The following CNTNAP5 variants were observed in gnomAD, a reference collection of about 807,000 sequenced individuals.
CNTNAP5 encodes contactin associated protein family member 5.
A neutral mutation model predicts 150.2 loss-of-function variants in CNTNAP5; 72 were observed. The observed-to-expected ratio is 0.48, with a 90% confidence interval of 0.40 to 0.58. CNTNAP5 has a LOEUF of 0.58. Among genes scored for constraint, CNTNAP5 ranks in the 20% least tolerant of loss-of-function variants. CNTNAP5 has a pLI of 0.00. For missense variants in CNTNAP5, 1,636 were observed against 1,626.2 expected, an observed-to-expected ratio of 1.01 and a Z score of -0.10; for synonymous variants, 672 against 619.8, an observed-to-expected ratio of 1.08 and a Z score of -1.25.
chr2:124,752,571 G>A (rs1018912962), intron 14 of CNTNAP5, among the ~76,000 whole-genome samples: 6 of 152,086 alleles, frequency 3.9e-5, no homozygotes, highest in Admixed American at 1.3e-4. Context: ...GTCGGAATTA[G>A]CTGATTTCCT....
At chr2:124,041,730 A>T (rs1378092327) in intron 1 of CNTNAP5, among the ~76,000 whole-genome samples, 7 of 152,126 alleles carry the variant, frequency 4.6e-5, no homozygotes, top group Non-Finnish European at 5.9e-5. Flanking sequence ...TACAACACAC[A>T]TTGTATTATA....
At chr2:124,329,127 A>T (rs989645641) in intron 3 of CNTNAP5, among the ~76,000 whole-genome samples, 2 of 152,222 alleles carry the variant, frequency 1.3e-5, no homozygotes, top group African/African-American at 4.8e-5. Flanking sequence ...GAATAGAACC[A>T]AAGACAAGAC....
intron 21 of CNTNAP5, among the ~76,000 whole-genome samples, chr2:124,878,404 G>A (rs1424215013): frequency 6.6e-5 from 10 of 152,048 alleles, no homozygotes; most frequent in Admixed American, 5.2e-4. Context: ...CAAATGATGT[G>A]CCTAGGATGA....
intron 3 of CNTNAP5, among the ~76,000 whole-genome samples, chr2:124,355,754 G>A (rs1689982320): frequency 6.6e-6 from 1 of 152,062 alleles, no homozygotes; most frequent in Non-Finnish European, 1.5e-5. Context: ...TCTGAGTTAA[G>A]GGATCTAAAC....
chr2:124,530,358 C>T (rs187176235), intron 10 of CNTNAP5, among the ~76,000 whole-genome samples: 2 of 152,172 alleles, frequency 1.3e-5, no homozygotes, highest in Non-Finnish European at 2.9e-5. Context: ...AGTAGCATTC[C>T]TACCTGAGGC....
At chr2:124,548,199 C>T (rs886737792) in intron 10 of CNTNAP5, among the ~76,000 whole-genome samples, 3 of 152,166 alleles carry the variant, frequency 2.0e-5, no homozygotes, top group Non-Finnish European at 4.4e-5. Flanking sequence ...AGGGTCGTGA[C>T]ATTTTAGCTC....
At chr2:124,610,400 G>A (rs1420808660) in intron 12 of CNTNAP5, among the ~76,000 whole-genome samples, 1 of 152,178 alleles carries the variant, frequency 6.6e-6, no homozygotes, top group Non-Finnish European at 1.5e-5. Context: ...TACCCCCAGA[G>A]CTGTGAGAAT....
At chr2:124,418,948 C>T (rs1463425453) in intron 4 of CNTNAP5, among the ~76,000 whole-genome samples, 3 of 150,442 alleles carry the variant, frequency 2.0e-5, no homozygotes, top group Non-Finnish European at 1.5e-5. Context: ...TCCTGGCTAA[C>T]AAGGTGAAAC....
At chr2:124,367,434 C>A (rs943784286) in intron 3 of CNTNAP5, among the ~76,000 whole-genome samples, 3 of 151,518 alleles carry the variant, frequency 2.0e-5, no homozygotes, top group African/African-American at 7.4e-5. Flanking sequence ...CATGAGAACT[C>A]ACTCACTATC....
chr2:124,596,011 T>C (rs1696820047), intron 11 of CNTNAP5, among the ~76,000 whole-genome samples: 3 of 101,158 alleles, frequency 3.0e-5, no homozygotes, highest in Non-Finnish European at 1.9e-5. Flanking sequence ...TTATTGTGTC[T>C]ATTTGATTCT....
chr2:124,598,998 C>T (rs557828585), intron 11 of CNTNAP5, among the ~76,000 whole-genome samples: 7 of 152,018 alleles, frequency 4.6e-5, no homozygotes, highest in East Asian at 3.9e-4. Flanking sequence ...CGCCCTGCTT[C>T]GGCTCACGCA....
At chr2:124,094,686 T>C (rs1237489680) in intron 1 of CNTNAP5, among the ~76,000 whole-genome samples, 1 of 152,216 alleles carries the variant, frequency 6.6e-6, no homozygotes, top group Non-Finnish European at 1.5e-5. Flanking sequence ...GGTACTTTTT[T>C]TCTTTTCTAA....
chr2:124,336,695 G>A (rs900932764), intron 3 of CNTNAP5, among the ~76,000 whole-genome samples: 7 of 151,864 alleles, frequency 4.6e-5, no homozygotes, highest in Non-Finnish European at 8.8e-5. Flanking sequence ...CCCTGCAAAG[G>A]ACATGAACTC....
intron 1 of CNTNAP5, among the ~76,000 whole-genome samples, chr2:124,176,841 G>T (rs1482011046): frequency 3.0e-4 from 29 of 97,878 alleles, no homozygotes; most frequent in African/African-American, 1.1e-3. Flanking sequence ...TGTTATTGCT[G>T]GTTTTTTTTT....
chr2:124,778,001 A>C (rs192963431), intron 17 of CNTNAP5, among the ~76,000 whole-genome samples: 2 of 152,288 alleles, frequency 1.3e-5, no homozygotes, highest in East Asian at 3.9e-4. Context: ...GAAAGAAATC[A>C]TTAGAAGAGC....
At chr2:124,256,253 A>C (rs1364443883) in intron 3 of CNTNAP5, among the ~76,000 whole-genome samples, 1 of 152,194 alleles carries the variant, frequency 6.6e-6, no homozygotes, top group African/African-American at 2.4e-5. Context: ...CAGAGTGAGC[A>C]ACTTATACTT....
chr2:124,173,264 C>A (rs1684979096), intron 1 of CNTNAP5, among the ~76,000 whole-genome samples: 1 of 152,120 alleles, frequency 6.6e-6, no homozygotes, highest in African/African-American at 2.4e-5. Flanking sequence ...AACTAATAAC[C>A]ATGCAATAGC....
intron 1 of CNTNAP5, among the ~76,000 whole-genome samples, chr2:124,032,490 A>G (rs892886242): frequency 2.0e-5 from 3 of 152,176 alleles, no homozygotes; most frequent in African/African-American, 7.2e-5. Context: ...AAACCAGTTA[A>G]GAGATGATTA....
intron 13 of CNTNAP5, among the ~76,000 whole-genome samples, chr2:124,651,178 G>A (rs576731806): frequency 1.4e-4 from 22 of 152,272 alleles, no homozygotes; most frequent in African/African-American, 4.1e-4. Context: ...TTTTAAAAGC[G>A]TGCAGGCTGA....
Sources: gnomAD v4.1 joint callset for allele counts (sites outside exome capture counted in the v4.1 genomes callset) on GRCh38, gnomAD v4.1.1 for gene constraint, MANE v1.5 for transcripts, NCBI Gene and HGNC (gene_info 2026-07-23, HGNC 2026-07-21) for gene names.